Variants in VPS50 observed in about 807,000 individuals in gnomAD.
VPS50 encodes the protein syndetin.
Under a neutral mutation model 139.7 loss-of-function variants are expected in VPS50, and 70 were observed. The ratio of observed to expected loss-of-function variants is 0.50; its 90% CI spans 0.41 to 0.61. VPS50 has a LOEUF of 0.61. Among genes scored for constraint, VPS50 ranks in the 20% least tolerant of loss-of-function variants. The pLI, the probability that VPS50 is intolerant of heterozygous loss-of-function variation, is 0.00. For synonymous variants in VPS50, 365 were observed against 376.7 expected (o/e 0.97, Z 0.36); for missense variants, 921 against 1,133.7 (o/e 0.81, Z 2.69).
chr7:93,257,258 C>A, intron 5 of VPS50, 136 bp from the exon 6 acceptor site: 1 of 561,358 alleles, frequency 1.8e-6, no homozygotes, highest in Non-Finnish European at 3.1e-6. Flanking sequence ...TTTTCAAGTT[C>A]AGGTATTTTT....
intron 20 of VPS50, among the ~76,000 whole-genome samples, chr7:93,322,557 G>T (rs1028090961): frequency 3.0e-5 from 4 of 131,492 alleles, no homozygotes; most frequent in Non-Finnish European, 6.1e-5. Flanking sequence ...CCGAGATCGC[G>T]CCACTGCACT....
chr7:93,356,821 G>A (rs143483015), intron 27 of VPS50, among the ~76,000 whole-genome samples: 2,096 of 152,182 alleles, frequency 0.014, 27 homozygotes, highest in Non-Finnish European at 0.023. Flanking sequence ...ATGGGTAAAA[G>A]CTAAGTCAAG....
intron 17 of VPS50, among the ~76,000 whole-genome samples, chr7:93,304,610 T>A (rs190308876): frequency 3.7e-4 from 57 of 152,012 alleles, no homozygotes; most frequent in Admixed American, 2.8e-3. Flanking sequence ...AGAATATCTA[T>A]TAAATAATTT....
At chr7:93,267,267 G>A (rs1181927520) in intron 9 of VPS50, among the ~76,000 whole-genome samples, 1 of 152,044 alleles carries the variant, frequency 6.6e-6, no homozygotes, top group East Asian at 1.9e-4. Flanking sequence ...GATCAGCCTT[G>A]GGTGAAATTT....
chr7:93,346,444 T>C (rs1049947109), intron 23 of VPS50, among the ~76,000 whole-genome samples: 5 of 152,158 alleles, frequency 3.3e-5, no homozygotes, highest in Non-Finnish European at 7.3e-5. Flanking sequence ...AAGCTACCAA[T>C]GACTTTCTTC....
intron 3 of VPS50, among the ~76,000 whole-genome samples, chr7:93,253,563 G>A (rs539096998): frequency 1.3e-5 from 2 of 152,256 alleles, no homozygotes; most frequent in South Asian, 2.1e-4. Flanking sequence ...AGTGTCTGTC[G>A]GCCTAGGGTC....
At position 93,289,489 on chromosome 7, in the gene VPS50, GT is replaced by G. The variant is rs1178703545; in HGVS notation, c.943-2213del. 2.6e-5 allele frequency among the ~76,000 whole-genome samples: 4 copies of G among 151,824 alleles called. No individual in the cohort carries two copies. In the East Asian group the frequency reaches 7.7e-4, roughly 29 times the overall value. ...CATTTGTCTTTTGACCTCACATATGGTGTTTTTTGCTATACAAATTGTACTT... is the reference window on the plus strand; with the variant it reads ...CATTTGTCTTTTGACCTCACATATGGGTTTTTTGCTATACAAATTGTACTT... On this transcript the variant is annotated intron_variant, in intron 12 of 27. Coordinates refer to ENST00000305866, the MANE Select transcript of VPS50 (RefSeq NM_017667.4).
intron 21 of VPS50, among the ~76,000 whole-genome samples, chr7:93,326,180 A>G (rs867960673): frequency 6.6e-6 from 1 of 151,724 alleles, no homozygotes; most frequent in African/African-American, 2.4e-5. Flanking sequence ...CATCATTCTC[A>G]GTAAACTATC....
At chr7:93,255,356 T>A (rs1795455301) in intron 4 of VPS50, among the ~76,000 whole-genome samples, 1 of 151,848 alleles carries the variant, frequency 6.6e-6, no homozygotes, top group African/African-American at 2.4e-5. Flanking sequence ...AGGGATGGAG[T>A]TAGAGCTCTT....
chr7:93,344,423 G>A (rs1232348314), intron 23 of VPS50, among the ~76,000 whole-genome samples: 5 of 152,062 alleles, frequency 3.3e-5, no homozygotes, highest in South Asian at 2.1e-4. Flanking sequence ...ACAGATCAAC[G>A]AGACAGAAAG....
rs1456993742 is a variant in VPS50 at position 93,308,928 on chromosome 7, T to C, written c.1734T>C (p.Asp578=). ...ACTATGTGGATGAGCAGACAGGAGA[T>C]GGTCCTGTGAAAAGGTGATTGTTCT... ...KRDYVDEQTG[D]GPVKSVSRET... is the part of the protein sequence containing the mutation. The change falls in exon 19 of 28, where the codon GAT becomes GAC. Residue 578 remains aspartate, a synonymous_variant. Coordinates refer to ENST00000305866, the MANE Select transcript of VPS50 (RefSeq NM_017667.4). 15 of 1,555,796 alleles carry C rather than the reference T, an allele frequency of 9.6e-6. No homozygotes were observed. Among genetic ancestry groups the C allele is most frequent in the African/African-American group, 1.4e-5 (1 of 73,692 alleles).
Position 93,305,833 on chromosome 7 carries a change from T to G in VPS50, c.1458T>G (p.Phe486Leu). 1.9e-6 allele frequency: 3 copies of G among 1,611,892 alleles called. No individual in the cohort carries two copies. The South Asian group carries it at 3.3e-5, about 18-fold the overall frequency. Residue 486 changes from phenylalanine to leucine, a missense_variant, in exon 18 of 28, where the codon TTT becomes TTG. This residue lies in a region of VPS50 where 744 missense variants were observed against 930.6 expected (regional missense o/e 0.80). Transcript: ENST00000305866. ...GCTCCTTTTTTAACATCTAGGAATT[T>G]AAATTCATGGAACAGTCTCGCTCCC... Reference protein sequence around the residue: ...SNFSILQLHEFKFMEQSRSPS... With the variant: ...SNFSILQLHELKFMEQSRSPS...
chr7:93,327,411 G>A (rs1210241208), intron 21 of VPS50, among the ~76,000 whole-genome samples: 2 of 152,118 alleles, frequency 1.3e-5, no homozygotes, highest in Non-Finnish European at 2.9e-5. Flanking sequence ...GGAACCAAAT[G>A]GTTTTGGGCA....
chr7:93,340,440 A>C (rs921242546), intron 22 of VPS50, among the ~76,000 whole-genome samples: 1 of 152,174 alleles, frequency 6.6e-6, no homozygotes, highest in Non-Finnish European at 1.5e-5. Context: ...CCTGGCAAAA[A>C]AAGGTGGCCA....
Position 93,253,930 on chromosome 7 carries a change from C to A in VPS50, c.296C>A (p.Ala99Glu). Residue 99 changes from alanine to glutamate, a missense_variant and splice_region_variant, in exon 4 of 28, where the codon GCA becomes GAA. Transcript: ENST00000305866. ...GACAAATTGAAACAACAGCAAGCTGCAGTAAGTAAAAAAAAAACACATTTC... is the reference window on the plus strand; with the variant it reads ...GACAAATTGAAACAACAGCAAGCTGAAGTAAGTAAAAAAAAAACACATTTC... Reference protein sequence around the residue: ...YRDKLKQQQAAVSKKVADLIL... With the variant: ...YRDKLKQQQAEVSKKVADLIL... 3 of 1,549,324 alleles carry A rather than the reference C, an allele frequency of 1.9e-6. No homozygotes were observed. The highest frequency in any genetic ancestry group is 1.4e-5 in the African/African-American group (1 of 72,992).
intron 12 of VPS50, among the ~76,000 whole-genome samples, chr7:93,278,590 CAAAAAAAAA>C (rs11445569): frequency 2.9e-5 from 2 of 67,988 alleles, no homozygotes; most frequent in African/African-American, 1.0e-4. Flanking sequence ...GACTCTGTCT[CAAAAAAAAA>C]AAAAAAAAAA....
At chr7:93,260,870 A>G (rs1296719786) in intron 9 of VPS50, among the ~76,000 whole-genome samples, 2 of 151,982 alleles carry the variant, frequency 1.3e-5, no homozygotes, top group African/African-American at 2.4e-5. Flanking sequence ...TAATTTTTGT[A>G]TTTTTAGTAG....
intron 23 of VPS50, among the ~76,000 whole-genome samples, chr7:93,343,153 T>A (rs1798277524): frequency 6.6e-6 from 1 of 152,022 alleles, no homozygotes; most frequent in African/African-American, 2.4e-5. Flanking sequence ...CTGATGGAGC[T>A]GAAAACCAAG....
intron 1 of VPS50, among the ~76,000 whole-genome samples, chr7:93,233,299 A>G (rs966911335): frequency 3.9e-5 from 6 of 152,238 alleles, no homozygotes; most frequent in African/African-American, 1.4e-4. Flanking sequence ...TTCAGCTTTA[A>G]TATTTCACTA....
Sources: gnomAD v4.1 joint callset for allele counts (sites outside exome capture counted in the v4.1 genomes callset) on GRCh38, gnomAD v4.1.1 for gene constraint, gnomAD v4.1.1 regional missense constraint, MANE v1.5 for transcripts, NCBI Gene and HGNC (gene_info 2026-07-23, HGNC 2026-07-21) for gene names.